APC: variants seen among roughly 807,000 people sequenced by gnomAD.
APC encodes the protein adenomatous polyposis coli protein.
APC carries 72 observed loss-of-function variants against 247.0 expected under a neutral mutation model. The ratio of observed to expected loss-of-function variants is 0.29; its 90% CI spans 0.24 to 0.35. APC has a LOEUF of 0.35. APC is among the 10% of genes least tolerant of loss of function. The pLI, the probability that APC is intolerant of heterozygous loss-of-function variation, is 1.00. For missense variants in APC, 3,400 were observed against 3,360.7 expected (o/e 1.01, Z -0.29); for synonymous variants, 1,254 against 1,162.5 (o/e 1.08, Z -1.60).
rs1060503328 is a variant in APC, at chr5:112,775,677, G to A, written c.471G>A (p.Trp157Ter). Residue 157 changes from tryptophan (W) to a stop codon, truncating the protein, a stop_gained, in exon 5 of 16, where the codon TGG becomes TGA. Coordinates refer to ENST00000257430, the MANE Select transcript of APC (RefSeq NM_000038.6). LOFTEE classifies it high-confidence loss of function. ...DLDKEEKEKD[W>*]YYAQLQNLTK... ...ACAAAGAAGAAAAGGAAAAAGACTG[G>A]TATTACGCTCAACTTCAGAATCTCA... 1.2e-6 allele frequency: 2 copies of A among 1,608,060 alleles called. No homozygotes were observed. Among genetic ancestry groups the A allele is most frequent in the Non-Finnish European group, 8.5e-7 (1 of 1,177,582 alleles).
At chr5:112,743,609 A>G (rs1427446943) in intron 1 of APC, among the ~76,000 whole-genome samples, 1 of 152,266 alleles carries the variant, frequency 6.6e-6, no homozygotes, top group African/African-American at 2.4e-5. Context: ...CACTTAATTT[A>G]TATCAGTGTA....
At chr5:112,707,990 T>C (rs969404463) in intron 1 of APC, 198 of 1,114,494 alleles carry the variant, frequency 1.8e-4, no homozygotes, top group Non-Finnish European at 2.8e-5. Flanking sequence ...GTGGCTCTCT[T>C]CTCTCCATGT....
At chr5:112,818,512 G>C (rs1202519148) in intron 9 of APC, among the ~76,000 whole-genome samples, 3 of 152,098 alleles carry the variant, frequency 2.0e-5, no homozygotes, top group African/African-American at 7.2e-5. Flanking sequence ...AATTGTTGCA[G>C]AAATGTTTTC....
At chr5:112,717,937 T>TTTTTTTTTTTTTTTTA (rs1751271240) in intron 1 of APC, among the ~76,000 whole-genome samples, 1 of 124,538 alleles carries the variant, frequency 8.0e-6, no homozygotes, top group Non-Finnish European at 1.6e-5. Flanking sequence ...TTTTTTTTTT[T>TTTTTTTTTTTTTTTTA]GCTTCTTTTT....
intron 2 of APC, among the ~76,000 whole-genome samples, chr5:112,756,108 C>T (rs1217451654): frequency 1.3e-5 from 2 of 151,974 alleles, no homozygotes; most frequent in Admixed American, 6.6e-5. Context: ...AGTTTTTTTC[C>T]TATGCATTTC....
intron 7 of APC, among the ~76,000 whole-genome samples, chr5:112,796,580 C>T (rs2149697486): frequency 6.6e-6 from 1 of 151,818 alleles, no homozygotes; most frequent in African/African-American, 2.4e-5. Context: ...TTCATTTTTG[C>T]AATGGACTCT....
At chr5:112,789,016 A>G in intron 6 of APC, among the ~76,000 whole-genome samples, 1 of 152,170 alleles carries the variant, frequency 6.6e-6, no homozygotes, top group East Asian at 1.9e-4. Flanking sequence ...CTAAAATTTC[A>G]CAGTTAAGTG....
chr5:112,713,028 G>A lies in APC; in HGVS notation c.165+5146G>A, dbSNP rs111409868. 5.0e-3 allele frequency among the ~76,000 whole-genome samples: 757 copies of A among 152,038 alleles called. 8 individuals carry two copies. The highest frequency in any genetic ancestry group is 0.017 in the African/African-American group (722 of 41,458). The stretch of plus-strand genomic sequence containing the variant: ...TCTACTAAAAATAAAAAAATTAGCC[G>A]GGTATGGTGGCAGGCGCCTGTAATC... On this transcript the variant is annotated intron_variant, in intron 1 of 13. Transcript: ENST00000507379.
chr5:112,831,211 C>T (rs1013145528), intron 14 of APC, among the ~76,000 whole-genome samples: 1 of 152,026 alleles, frequency 6.6e-6, no homozygotes, highest in African/African-American at 2.4e-5. Context: ...CTGGTTCAAG[C>T]GATTATCCTG....
At chr5:112,807,732 A>G (rs149617819) in intron 8 of APC, among the ~76,000 whole-genome samples, 3 of 152,370 alleles carry the variant, frequency 2.0e-5, no homozygotes, top group East Asian at 3.9e-4. Flanking sequence ...ACAATAATGT[A>G]GTGATTCATA....
chr5:112,814,487 C>G (rs1580506888), intron 8 of APC, among the ~76,000 whole-genome samples: 1 of 152,172 alleles, frequency 6.6e-6, no homozygotes, highest in East Asian at 1.9e-4. Context: ...CCTCTTTACT[C>G]ACATCCAGTC....
chr5:112,727,270 T>G (rs1751839421), intron 1 of APC, among the ~76,000 whole-genome samples: 1 of 151,998 alleles, frequency 6.6e-6, no homozygotes, highest in Non-Finnish European at 1.5e-5. Flanking sequence ...AATTTTATAG[T>G]CTATACTTTT....
intron 4 of APC, among the ~76,000 whole-genome samples, chr5:112,772,800 A>G (rs79915536): frequency 7.9e-5 from 12 of 152,204 alleles, no homozygotes; most frequent in African/African-American, 2.2e-4. Flanking sequence ...TACAGGCGTG[A>G]CCCGCCGTGC....
chr5:112,776,563 G>T (rs1316731654), intron 5 of APC, among the ~76,000 whole-genome samples: 1 of 152,098 alleles, frequency 6.6e-6, no homozygotes, highest in Non-Finnish European at 1.5e-5. Context: ...GACTCAACAT[G>T]GTGGAGGCTT....
chr5:112,789,438 G>A (rs554964369), intron 6 of APC, among the ~76,000 whole-genome samples: 8 of 152,272 alleles, frequency 5.3e-5, no homozygotes, highest in African/African-American at 1.9e-4. Flanking sequence ...AGAAGCACAA[G>A]GAATGTCATG....
chr5:112,718,234 G>T (rs936366575), intron 1 of APC, among the ~76,000 whole-genome samples: 1 of 152,050 alleles, frequency 6.6e-6, no homozygotes. Flanking sequence ...TCTCTAGGAA[G>T]CTGATTCAGT....
At chr5:112,810,101 G>A (rs896867075) in intron 8 of APC, 4 of 455,840 alleles carry the variant, frequency 8.8e-6, no homozygotes, top group East Asian at 6.9e-5. Context: ...ATAAGTTTGA[G>A]AGAAAATTTA....
chr5:112,736,497 T>A (rs1165813793), upstream of APC, among the ~76,000 whole-genome samples: 1 of 152,262 alleles, frequency 6.6e-6, no homozygotes, highest in Non-Finnish European at 1.5e-5. Flanking sequence ...GTTGTGTGTC[T>A]ATTGCTTTTC....
intron 1 of APC, among the ~76,000 whole-genome samples, chr5:112,731,614 C>T (rs1383755970): frequency 6.6e-6 from 1 of 152,136 alleles, no homozygotes; most frequent in Non-Finnish European, 1.5e-5. Context: ...ATACTCAAAT[C>T]GTGGTAAACA....
Sources: allele counts gnomAD v4.1 joint callset (sites outside exome capture counted in the v4.1 genomes callset), GRCh38; gene constraint gnomAD v4.1.1; transcripts MANE v1.5; gene names NCBI Gene and HGNC (gene_info 2026-07-23, HGNC 2026-07-21).